Variants in FAM117B observed in about 807,000 individuals in gnomAD.
The protein encoded by FAM117B is protein FAM117B.
A neutral mutation model predicts 52.8 loss-of-function variants in FAM117B; 22 were observed. That is an observed-to-expected ratio of 0.42 (90% CI 0.30 to 0.59). The LOEUF (loss-of-function observed/expected upper bound fraction) is 0.59, where lower values mean the gene tolerates loss of function less well. Among genes scored for constraint, FAM117B ranks in the 20% least tolerant of loss-of-function variants. FAM117B has a pLI of 0.22. For missense variants in FAM117B, 678 were observed against 802.6 expected, an observed-to-expected ratio of 0.84 and a Z score of 1.88; for synonymous variants, 309 against 324.1, an observed-to-expected ratio of 0.95 and a Z score of 0.50.
At chr2:202,676,528 C>T (rs1217215662) in intron 1 of FAM117B, among the ~76,000 whole-genome samples, 1 of 151,906 alleles carries the variant, frequency 6.6e-6, no homozygotes, top group African/African-American at 2.4e-5. Context: ...TACAGGCATG[C>T]GCCACCACAC....
chr2:202,723,021 G>T (rs751239767), intron 2 of FAM117B, among the ~76,000 whole-genome samples: 1 of 152,060 alleles, frequency 6.6e-6, no homozygotes, highest in African/African-American at 2.4e-5. Context: ...GTACAGTAGG[G>T]GTCACCTCTG....
intron 4 of FAM117B, among the ~76,000 whole-genome samples, chr2:202,736,420 GA>G (rs1691437980): frequency 6.6e-6 from 1 of 151,708 alleles, no homozygotes; most frequent in African/African-American, 2.4e-5. Flanking sequence ...CTTAAGATTG[GA>G]AAGCTTTTTT....
At chr2:202,710,436 A>G (rs1032962360) in intron 2 of FAM117B, among the ~76,000 whole-genome samples, 1 of 152,044 alleles carries the variant, frequency 6.6e-6, no homozygotes, top group Non-Finnish European at 1.5e-5. Context: ...ATAGGTGTAT[A>G]TATTTATGGG....
intron 7 of FAM117B, among the ~76,000 whole-genome samples, chr2:202,760,466 C>G (rs1000479652): frequency 6.6e-6 from 1 of 152,132 alleles, no homozygotes; most frequent in Non-Finnish European, 1.5e-5. Flanking sequence ...TTTCTGCCTC[C>G]CCTCTTTGTC....
intron 1 of FAM117B, among the ~76,000 whole-genome samples, chr2:202,691,301 C>G (rs1446713505): frequency 6.6e-6 from 1 of 152,016 alleles, no homozygotes; most frequent in Non-Finnish European, 1.5e-5. Flanking sequence ...TGCCTGTAAT[C>G]CCAGCTACTT....
intron 1 of FAM117B, among the ~76,000 whole-genome samples, chr2:202,666,658 C>G (rs187449491): frequency 1.2e-4 from 18 of 147,036 alleles, no homozygotes; most frequent in African/African-American, 4.1e-4. Flanking sequence ...TAACATGTTT[C>G]GTTTCATTTC....
chr2:202,648,370 G>A (rs947568915), intron 1 of FAM117B, among the ~76,000 whole-genome samples: 4 of 152,002 alleles, frequency 2.6e-5, no homozygotes, highest in Admixed American at 1.3e-4. Context: ...AAAATTAGCC[G>A]AGTATAGCGG....
At chr2:202,756,653 A>G (rs1428055967) in intron 5 of FAM117B, among the ~76,000 whole-genome samples, 2 of 152,096 alleles carry the variant, frequency 1.3e-5, no homozygotes, top group African/African-American at 2.4e-5. Flanking sequence ...TCCCTGATGT[A>G]ATAAAGGTAA....
At chr2:202,698,143 G>C (rs1690741550) in intron 2 of FAM117B, among the ~76,000 whole-genome samples, 1 of 152,210 alleles carries the variant, frequency 6.6e-6, no homozygotes, top group Non-Finnish European at 1.5e-5. Flanking sequence ...GGGATTATAG[G>C]CGTGAGCCAA....
At chr2:202,706,013 A>G (rs950436595) in intron 2 of FAM117B, among the ~76,000 whole-genome samples, 8 of 151,882 alleles carry the variant, frequency 5.3e-5, no homozygotes, top group African/African-American at 1.5e-4. Flanking sequence ...TTTCCTTCTT[A>G]TTTTTAACAT....
chr2:202,760,597 G>C (rs1691871185), intron 7 of FAM117B, among the ~76,000 whole-genome samples: 1 of 152,132 alleles, frequency 6.6e-6, no homozygotes, highest in South Asian at 2.1e-4. Flanking sequence ...CCCAGTCTCA[G>C]TTTTTCTAGT....
At chr2:202,677,379 T>A (rs1156998233) in intron 1 of FAM117B, among the ~76,000 whole-genome samples, 2 of 152,234 alleles carry the variant, frequency 1.3e-5, no homozygotes, top group Non-Finnish European at 2.9e-5. Flanking sequence ...AAGAGATTTC[T>A]AAGCAAAGTG....
chr2:202,740,490 C>G (rs944042576), intron 4 of FAM117B, among the ~76,000 whole-genome samples: 1 of 151,274 alleles, frequency 6.6e-6, no homozygotes, highest in Non-Finnish European at 1.5e-5. Context: ...TGCATTATTA[C>G]TGTATATAGT....
chr2:202,694,161 T>C (rs1690673813), intron 1 of FAM117B, among the ~76,000 whole-genome samples: 1 of 151,136 alleles, frequency 6.6e-6, no homozygotes, highest in Non-Finnish European at 1.5e-5. Flanking sequence ...GCCTGCATTA[T>C]TGAAGATGTT....
At chr2:202,742,936 G>A (rs1691572192) in intron 4 of FAM117B, among the ~76,000 whole-genome samples, 1 of 152,180 alleles carries the variant, frequency 6.6e-6, no homozygotes, top group African/African-American at 2.4e-5. Context: ...CTGCCACTGA[G>A]TCACACAAAC....
chr2:202,701,587 G>T (rs1031545064), intron 2 of FAM117B, among the ~76,000 whole-genome samples: 1 of 152,200 alleles, frequency 6.6e-6, no homozygotes, highest in African/African-American at 2.4e-5. Context: ...ACCATTCTAG[G>T]TGCCATTAAG....
Position 202,695,807 on chromosome 2 carries a change from A to G in FAM117B, c.602-74A>G, listed in dbSNP as rs1023359422. On this transcript the variant is annotated intron_variant, in intron 1 of 7. Transcript: ENST00000392238. ...ATAGTTAAGTTGGAGAACTTTCTAC[A>G]TAGTTTAAAACTTAGTTTCTGCTTT... The G allele has an allele frequency of 4.0e-5, 58 of 1,462,440 alleles. No homozygotes were observed. In the South Asian group the frequency reaches 5.0e-4, roughly 13 times the overall value. The allele number at this position is 1,462,440 out of a possible 1,614,324, so 90.6% of individuals were successfully genotyped here.
intron 1 of FAM117B, among the ~76,000 whole-genome samples, chr2:202,673,114 A>G (rs1690323010): frequency 6.6e-6 from 1 of 152,186 alleles, no homozygotes; most frequent in Non-Finnish European, 1.5e-5. Context: ...TTCACTTTCC[A>G]TATTTTGCTC....
chr2:202,714,532 T>C (rs2114620), intron 2 of FAM117B, among the ~76,000 whole-genome samples: 26,005 of 133,922 alleles, frequency 0.19, 2,906 homozygotes, highest in South Asian at 0.38. Flanking sequence ...CTTTTTTTTT[T>C]CTTTTTTTTT....
Sources: gnomAD v4.1 joint callset for allele counts (sites outside exome capture counted in the v4.1 genomes callset) on GRCh38, gnomAD v4.1.1 for gene constraint, MANE v1.5 for transcripts, NCBI Gene and HGNC (gene_info 2026-07-23, HGNC 2026-07-21) for gene names.